The following HIKESHI variants were observed in gnomAD, a reference collection of about 807,000 sequenced individuals.
HIKESHI encodes heat shock protein nuclear import factor hikeshi, also known as protein Hikeshi.
A neutral mutation model predicts 25.7 loss-of-function variants in HIKESHI; 13 were observed. The observed-to-expected ratio is 0.51, with a 90% confidence interval of 0.33 to 0.80. HIKESHI has a LOEUF of 0.80. HIKESHI is among the 30% of genes least tolerant of loss of function. HIKESHI has a pLI of 0.02. For synonymous variants in HIKESHI, 76 were observed against 78.7 expected (o/e 0.97, Z 0.18); for missense variants, 174 against 229.5 (o/e 0.76, Z 1.56).
chr11:86,309,646 A>T (rs553916286), intron 2 of HIKESHI, among the ~76,000 whole-genome samples: 7 of 152,278 alleles, frequency 4.6e-5, no homozygotes, highest in African/African-American at 1.7e-4. Context: ...TTCCTTGCCC[A>T]TGCCTATGTC....
In HIKESHI at chr11:86,337,435, G is replaced by C. The variant is rs201042989; in HGVS notation, c.325G>C (p.Ala109Pro). The change falls in exon 3 of 5, where the codon GCT becomes CCT. Residue 109 changes from alanine to proline, a missense_variant. Ala to Pro is a conservative substitution (Grantham distance 27). Coordinates refer to ENST00000278483, the MANE Select transcript of HIKESHI (RefSeq NM_016401.4). ...AMNIVRTPSV[A>P]QIGISVELLD... ...GAATATTGTCCGAACTCCATCTGTT[G>C]CTCAGATTGGAATTTCAGTGGAATT... 23 of 1,613,918 alleles carry C rather than the reference G, an allele frequency of 1.4e-5. No individual in the cohort carries two copies. The Admixed American group carries it at 3.8e-4, about 27-fold the overall frequency.
intron 3 of HIKESHI, among the ~76,000 whole-genome samples, chr11:86,342,919 A>G (rs982081369): frequency 6.6e-6 from 1 of 152,168 alleles, no homozygotes; most frequent in Non-Finnish European, 1.5e-5. Flanking sequence ...TAATTATATC[A>G]GCTTGTTGAG....
chr11:86,308,519 T>C (rs1228175151), intron 2 of HIKESHI, among the ~76,000 whole-genome samples: 1 of 141,132 alleles, frequency 7.1e-6, no homozygotes. Context: ...CTGCCAATGT[T>C]CTTCTTTTGG....
chr11:86,318,220 C>T (rs569403277), intron 2 of HIKESHI, among the ~76,000 whole-genome samples: 2 of 144,656 alleles, frequency 1.4e-5, no homozygotes, highest in East Asian at 2.1e-4. Context: ...AGGAGAATGG[C>T]GTGAACCCGG....
intron 2 of HIKESHI, among the ~76,000 whole-genome samples, chr11:86,326,990 C>A (rs2138370607): frequency 6.6e-6 from 1 of 152,120 alleles, no homozygotes; most frequent in East Asian, 1.9e-4. Context: ...ACTCGGGAGG[C>A]TGAAGTGGGA....
At chr11:86,339,996 C>T (rs1009936600) in intron 3 of HIKESHI, among the ~76,000 whole-genome samples, 11 of 150,886 alleles carry the variant, frequency 7.3e-5, no homozygotes, top group Non-Finnish European at 1.2e-4. Context: ...TGAGGACATG[C>T]GGTGTTTGGT....
rs750668856 is a variant in HIKESHI at position 86,309,269 on chromosome 11, C to A, written c.268+2787C>A. Among the ~76,000 whole-genome samples, 114 of 152,132 alleles carry A rather than the reference C, an allele frequency of 7.5e-4. 1 individual carries two copies. Among genetic ancestry groups the A allele is most frequent in the South Asian group, 2.5e-3 (12 of 4,818 alleles). On this transcript the variant is annotated intron_variant, in intron 2 of 4. Coordinates refer to ENST00000278483, the MANE Select transcript of HIKESHI (RefSeq NM_016401.4). ...TTTTAATGATCACCATTCTAACTGGCGTGAGATGGTATCTCATTGTGGTTT... is the reference window on the plus strand; with the variant it reads ...TTTTAATGATCACCATTCTAACTGGAGTGAGATGGTATCTCATTGTGGTTT...
At chr11:86,317,597 G>T (rs1342140844) in intron 2 of HIKESHI, among the ~76,000 whole-genome samples, 1 of 152,062 alleles carries the variant, frequency 6.6e-6, no homozygotes, top group African/African-American at 2.4e-5. Context: ...CTGAGGTGGG[G>T]AGTTCGAGAC....
chr11:86,336,991 T>C (rs762225645), intron 2 of HIKESHI, among the ~76,000 whole-genome samples: 26 of 151,614 alleles, frequency 1.7e-4, no homozygotes, highest in Non-Finnish European at 2.5e-4. Flanking sequence ...CAAAACTGTC[T>C]TTAGAGATGA....
At chr11:86,339,105 G>A (rs1002924671) in intron 3 of HIKESHI, among the ~76,000 whole-genome samples, 5 of 152,084 alleles carry the variant, frequency 3.3e-5, no homozygotes, top group African/African-American at 1.2e-4. Flanking sequence ...GAGTGCAGTG[G>A]CGCGATCTCG....
At chr11:86,313,601 A>T (rs1946893712) in intron 2 of HIKESHI, among the ~76,000 whole-genome samples, 1 of 152,236 alleles carries the variant, frequency 6.6e-6, no homozygotes, top group Non-Finnish European at 1.5e-5. Context: ...TGTAGGTAAC[A>T]TGTTTATATA....
At chr11:86,306,591 A>T (rs1332959342) in intron 2 of HIKESHI, 109 bp downstream of exon 2, 1 of 636,380 alleles carries the variant, frequency 1.6e-6, no homozygotes, top group East Asian at 2.8e-5. Flanking sequence ...TCTGGTTGTT[A>T]AAGTAATACA....
chr11:86,318,533 T>G (rs1028072370), intron 2 of HIKESHI, among the ~76,000 whole-genome samples: 30 of 152,008 alleles, frequency 2.0e-4, no homozygotes, highest in Non-Finnish European at 2.8e-4. Context: ...CAATATAACC[T>G]TCATACCAAC....
chr11:86,311,023 CT>C (rs1946819681), intron 2 of HIKESHI, among the ~76,000 whole-genome samples: 1 of 152,080 alleles, frequency 6.6e-6, no homozygotes, highest in African/African-American at 2.4e-5. Context: ...CTAAAATTCT[CT>C]TTTTTTGTTG....
At chr11:86,317,443 A>G (rs1409467403) in intron 2 of HIKESHI, among the ~76,000 whole-genome samples, 1 of 152,142 alleles carries the variant, frequency 6.6e-6, no homozygotes, top group African/African-American at 2.4e-5. Flanking sequence ...AAAACAAACA[A>G]TAGAGAGGCT....
At chr11:86,332,506 A>G (rs904189914) in intron 2 of HIKESHI, among the ~76,000 whole-genome samples, 2 of 152,212 alleles carry the variant, frequency 1.3e-5, no homozygotes, top group East Asian at 1.9e-4. Flanking sequence ...TTATCTTGCA[A>G]TTACCATATG....
intron 2 of HIKESHI, among the ~76,000 whole-genome samples, chr11:86,334,992 C>T (rs1947515251): frequency 6.6e-6 from 1 of 152,162 alleles, no homozygotes; most frequent in African/African-American, 2.4e-5. Flanking sequence ...TTGTAGCAAT[C>T]AGGGGAACAT....
intron 2 of HIKESHI, among the ~76,000 whole-genome samples, chr11:86,313,940 C>T (rs1473566092): frequency 6.6e-6 from 1 of 152,022 alleles, no homozygotes; most frequent in Non-Finnish European, 1.5e-5. Context: ...GCATTGTGTC[C>T]TCAGATTGAC....
At position 86,345,901 on chromosome 11, in the gene HIKESHI, T is replaced by C. The variant is rs1278157617; in HGVS notation, c.*263T>C. The C allele has an allele frequency of 5.2e-5, 12 of 232,498 alleles. No homozygotes were observed. The highest frequency in any genetic ancestry group is 9.8e-5 in the Non-Finnish European group (12 of 121,828). The allele number at this position is 232,498 out of a possible 1,614,324, so 14.4% of individuals were successfully genotyped here. A position where few individuals can be genotyped will look rare whatever the true frequency, so the allele number is the denominator to read the frequency against. On this transcript the variant is annotated 3_prime_UTR_variant, in exon 5 of 5. Transcript: ENST00000278483. ...TGTTTTGGCTATGATTCATTTTTTT[T>C]ACTTAAAAATAAAACCTATACCAAA...
Sources: allele counts gnomAD v4.1 joint callset (sites outside exome capture counted in the v4.1 genomes callset), GRCh38; gene constraint gnomAD v4.1.1; transcripts MANE v1.5; gene names NCBI Gene and HGNC (gene_info 2026-07-23, HGNC 2026-07-21).